The following TMEM132C variants were observed in gnomAD, a reference collection of about 807,000 sequenced individuals.
TMEM132C encodes the protein protein phosphatase 1, regulatory subunit 152.
A neutral mutation model predicts 61.4 loss-of-function variants in TMEM132C; 29 were observed. That is an observed-to-expected ratio of 0.47 (90% CI 0.35 to 0.64). The LOEUF (loss-of-function observed/expected upper bound fraction) is 0.64. Among genes scored for constraint, TMEM132C ranks in the 30% least tolerant of loss-of-function variants. The pLI, the probability that TMEM132C is intolerant of heterozygous loss-of-function variation, is 0.00. For synonymous variants in TMEM132C, 656 were observed against 633.1 expected, an observed-to-expected ratio of 1.04 and a Z score of -0.54; for missense variants, 1,408 against 1,476.9, an observed-to-expected ratio of 0.95 and a Z score of 0.76.
intron 3 of TMEM132C, among the ~76,000 whole-genome samples, chr12:128,547,920 A>C (rs1874016424): frequency 6.6e-6 from 1 of 152,212 alleles, no homozygotes; most frequent in Admixed American, 6.5e-5. Context: ...GTGGCTTTGT[A>C]AACAAGCACA....
chr12:128,338,539 G>T (rs1018996555), intron 1 of TMEM132C, among the ~76,000 whole-genome samples: 1 of 152,000 alleles, frequency 6.6e-6, no homozygotes, highest in Non-Finnish European at 1.5e-5. Flanking sequence ...CCAGCGTGTC[G>T]CATGCCAAGG....
At chr12:128,602,810 T>C (rs1157204752) in intron 3 of TMEM132C, among the ~76,000 whole-genome samples, 1 of 152,208 alleles carries the variant, frequency 6.6e-6, no homozygotes, top group Non-Finnish European at 1.5e-5. Flanking sequence ...TCTGAGTTCC[T>C]CTCTGCCTGG....
chr12:128,656,863 C>T (rs1954330256), intron 4 of TMEM132C, among the ~76,000 whole-genome samples: 1 of 152,184 alleles, frequency 6.6e-6, no homozygotes, highest in Non-Finnish European at 1.5e-5. Flanking sequence ...TGAGAGGCAG[C>T]CTCTTTTGCC....
At chr12:128,553,573 C>T (rs1358570800) in intron 3 of TMEM132C, among the ~76,000 whole-genome samples, 5 of 152,108 alleles carry the variant, frequency 3.3e-5, no homozygotes, top group Non-Finnish European at 5.9e-5. Context: ...AGTGGATGGA[C>T]CTGAATTTAT....
intron 1 of TMEM132C, among the ~76,000 whole-genome samples, chr12:128,402,562 C>T (rs1217258907): frequency 1.3e-5 from 2 of 152,130 alleles, no homozygotes; most frequent in African/African-American, 2.4e-5. Flanking sequence ...ACTGACACAC[C>T]GTCCCTTAGA....
At chr12:128,688,671 A>C (rs11059830) in intron 5 of TMEM132C, among the ~76,000 whole-genome samples, 97,783 of 151,922 alleles carry the variant, frequency 0.64, 32,258 homozygotes, top group Middle Eastern at 0.74. Context: ...ATACAGAAGG[A>C]TCCAGCAAGG....
chr12:128,379,536 C>G (rs1322084519), intron 1 of TMEM132C, among the ~76,000 whole-genome samples: 1 of 152,174 alleles, frequency 6.6e-6, no homozygotes, highest in Non-Finnish European at 1.5e-5. Context: ...AGGGAAGGAC[C>G]CTTCCTTGCC....
At chr12:128,648,092 A>G (rs1408038604) in intron 4 of TMEM132C, among the ~76,000 whole-genome samples, 1 of 151,514 alleles carries the variant, frequency 6.6e-6, no homozygotes, top group Non-Finnish European at 1.5e-5. Flanking sequence ...ACTAGATCCC[A>G]TCAGCATTGG....
rs972696382 is a variant in TMEM132C at position 128,415,498 on chromosome 12, C to T, written c.852C>T (p.Ser284=). The change falls in exon 2 of 9, where the codon AGC becomes AGT. Residue 284 remains serine, a synonymous_variant. Coordinates refer to ENST00000435159, the MANE Select transcript of TMEM132C (RefSeq NM_001136103.3). This position sits in a 1 kb window ranked among gnomAD's most constrained non-coding sequence, Gnocchi z 5.8. ...GGGCCCAGGACAGCGCCCAGCTCAG[C>T]GAGCTGCGTTTGGATGGTAACGTGG... ...LYRAQDSAQL[S]ELRLDGNVVI... 11 of 1,551,456 alleles carry T rather than the reference C, an allele frequency of 7.1e-6. No homozygotes were observed. The East Asian group carries it at 1.5e-4, about 21-fold the overall frequency.
Position 128,552,782 on chromosome 12 carries a change from C to T in TMEM132C, c.1121+8679C>T, listed in dbSNP as rs1874214016. Among the ~76,000 whole-genome samples, 2 of 152,070 alleles carry T rather than the reference C, an allele frequency of 1.3e-5. 1 individual carries two copies. Among genetic ancestry groups the T allele is most frequent in the African/African-American group, 4.8e-5 (2 of 41,394 alleles). ...ATTAAGCTGTTCATGGTGGTGCGTG[C>T]CTGTAATCCCAGCTACTCAGGAGGC... is the stretch of plus-strand genomic sequence containing the variant. On this transcript the variant is annotated intron_variant, in intron 3 of 8. Coordinates refer to ENST00000435159, the MANE Select transcript of TMEM132C (RefSeq NM_001136103.3).
chr12:128,564,573 C>T (rs7301400), intron 3 of TMEM132C, among the ~76,000 whole-genome samples: 34,638 of 152,124 alleles, frequency 0.23, 7,530 homozygotes, highest in African/African-American at 0.58. Context: ...GATATGGGTA[C>T]GATGGGTCCC....
chr12:128,584,817 C>T (rs1565981971), intron 3 of TMEM132C, among the ~76,000 whole-genome samples: 2 of 152,166 alleles, frequency 1.3e-5, no homozygotes, highest in South Asian at 2.1e-4. Flanking sequence ...CTTTGCTGTC[C>T]TCCACATGGC....
At position 128,678,552 on chromosome 12, in the gene TMEM132C, A is replaced by C. The variant is rs569885103; in HGVS notation, c.1449+8992A>C. On this transcript the variant is annotated intron_variant, in intron 5 of 8. Coordinates refer to ENST00000435159, the MANE Select transcript of TMEM132C (RefSeq NM_001136103.3). ...AGAAGATTGTTTTGAGTTTGAACGCAGTCATCCATCTCAAGCATGCAGGAC... is the reference window on the plus strand; with the variant it reads ...AGAAGATTGTTTTGAGTTTGAACGCCGTCATCCATCTCAAGCATGCAGGAC... 6.6e-5 allele frequency among the ~76,000 whole-genome samples: 10 copies of C among 152,338 alleles called. No homozygotes were observed. In the South Asian group the frequency reaches 1.7e-3, roughly 25 times the overall value.
At chr12:128,477,921 ACTTGGT>A (rs2136088100) in intron 2 of TMEM132C, among the ~76,000 whole-genome samples, 1 of 152,256 alleles carries the variant, frequency 6.6e-6, no homozygotes, top group African/African-American at 2.4e-5. Context: ...GTAGAATGAA[ACTTGGT>A]CTTGGTCTCT....
intron 2 of TMEM132C, among the ~76,000 whole-genome samples, chr12:128,459,316 A>G (rs954098005): frequency 3.3e-5 from 5 of 152,208 alleles, no homozygotes; most frequent in Non-Finnish European, 7.3e-5. Context: ...TGGCCATATG[A>G]AAGCCTCCCT....
intron 1 of TMEM132C, among the ~76,000 whole-genome samples, chr12:128,347,878 A>G (rs781011239): frequency 4.6e-5 from 7 of 152,230 alleles, no homozygotes; most frequent in Admixed American, 1.3e-4. Flanking sequence ...CATTCCCACC[A>G]GCAGTGTAAT....
At chr12:128,637,452 C>G (rs1954112955) in intron 4 of TMEM132C, among the ~76,000 whole-genome samples, 1 of 152,236 alleles carries the variant, frequency 6.6e-6, no homozygotes, top group Non-Finnish European at 1.5e-5. Context: ...TCTCCTTCCC[C>G]CTCCCTCAGA....
intron 2 of TMEM132C, among the ~76,000 whole-genome samples, chr12:128,452,324 G>A (rs1870199483): frequency 6.6e-6 from 1 of 151,752 alleles, no homozygotes. Flanking sequence ...TCTATAGAAA[G>A]CCTGGACTCA....
chr12:128,273,118 A>T (rs1870576254), intron 1 of TMEM132C, among the ~76,000 whole-genome samples: 1 of 151,964 alleles, frequency 6.6e-6, no homozygotes, highest in African/African-American at 2.4e-5. Flanking sequence ...ATTCCTACTG[A>T]TCTGTTTGTT....
Sources: gnomAD v4.1 joint callset for allele counts (sites outside exome capture counted in the v4.1 genomes callset) on GRCh38, gnomAD v4.1.1 for gene constraint, Gnocchi (gnomAD v3.1) non-coding constraint, MANE v1.5 for transcripts, NCBI Gene and HGNC (gene_info 2026-07-23, HGNC 2026-07-21) for gene names.